The following PIK3C3 variants were observed in gnomAD, a reference collection of about 807,000 sequenced individuals.
The protein encoded by PIK3C3 is phosphatidylinositol 3-kinase catalytic subunit type 3, also known as PI3-kinase type 3.
Under a neutral mutation model 126.1 loss-of-function variants are expected in PIK3C3, and 95 were observed. That is an observed-to-expected ratio of 0.75 (90% confidence interval 0.64 to 0.89). The LOEUF (loss-of-function observed/expected upper bound fraction) is 0.89. Ranked by LOEUF, PIK3C3 falls within the 40% of genes least tolerant of loss-of-function variation. PIK3C3 has a pLI of 0.00. For missense variants in PIK3C3, 829 were observed against 1,063.2 expected (o/e 0.78, Z 3.06); for synonymous variants, 374 against 360.0 (o/e 1.04, Z -0.44).
intron 4 of PIK3C3, among the ~76,000 whole-genome samples, chr18:41,984,215 A>G (rs1234077712): frequency 1.3e-5 from 2 of 152,130 alleles, no homozygotes; most frequent in African/African-American, 4.8e-5. Flanking sequence ...CTGACATTAC[A>G]GACCCAAAAT....
rs138471980 is a variant in PIK3C3, at chr18:42,064,196, A to T, written c.2433-544A>T. 6.6e-3 allele frequency among the ~76,000 whole-genome samples: 1,002 copies of T among 152,256 alleles called. 6 individuals carry two copies. The highest frequency in any genetic ancestry group is 0.011 in the Non-Finnish European group (717 of 68,010). On this transcript the variant is annotated intron_variant, in intron 22 of 24. Transcript: ENST00000262039. ...ATTTTTAATGCAGCAGAGTACTAGCAATTTTTTCTTTCTTATAGAATTACT... is the reference window on the plus strand; with the variant it reads ...ATTTTTAATGCAGCAGAGTACTAGCTATTTTTTCTTTCTTATAGAATTACT...
chr18:42,070,540 G>A lies in PIK3C3; in HGVS notation c.2649+3027G>A, dbSNP rs938798010. 20 of 152,102 alleles carry A rather than the reference G, an allele frequency of 1.3e-4. 1 individual carries two copies. Among genetic ancestry groups the A allele is most frequent in the African/African-American group, 4.8e-4 (20 of 41,414 alleles). 9.4% of individuals were successfully genotyped at this position (152,102 alleles called of 1,614,324 possible). On this transcript the variant is annotated intron_variant, in intron 24 of 24. Coordinates refer to ENST00000262039, the MANE Select transcript of PIK3C3 (RefSeq NM_002647.4). ...GAGAAAAAGAGGTTGATAAAAAGTA[G>A]TAGTTTTTAGGGGGCCATAGTATTA... is the stretch of plus-strand genomic sequence containing the variant.
At chr18:41,984,761 A>T (rs897762781) in intron 4 of PIK3C3, 1 of 152,214 alleles carries the variant, frequency 6.6e-6, no homozygotes, top group Non-Finnish European at 1.5e-5. Context: ...GGACTCTCTG[A>T]TAAGTAAGCG....
At chr18:42,027,185 G>A (rs1983607893) in intron 13 of PIK3C3, 1 of 217,536 alleles carries the variant, frequency 4.6e-6, no homozygotes, top group Non-Finnish European at 9.2e-6. Flanking sequence ...TGCTTGTTTT[G>A]GTGGCAAAAG....
At chr18:42,058,259 A>T (rs1302914047) in intron 22 of PIK3C3, among the ~76,000 whole-genome samples, 3 of 152,338 alleles carry the variant, frequency 2.0e-5, no homozygotes, top group East Asian at 3.9e-4. Context: ...TTGCTTTCCC[A>T]CTATCTTATT....
intron 1 of PIK3C3, among the ~76,000 whole-genome samples, chr18:41,956,542 C>T (rs1175741492): frequency 1.4e-5 from 2 of 141,948 alleles, no homozygotes; most frequent in African/African-American, 2.7e-5. Flanking sequence ...CCAAAAAAAC[C>T]GGTCCCTTTT....
chr18:42,064,601 C>A, intron 22 of PIK3C3, 139 bp from the exon 23 acceptor site: 1 of 576,056 alleles, frequency 1.7e-6, no homozygotes, highest in South Asian at 2.3e-5. Flanking sequence ...TCATTGATAC[C>A]AACTGATGAA....
At chr18:42,073,843 C>A (rs564514231) in intron 24 of PIK3C3, among the ~76,000 whole-genome samples, 2 of 151,948 alleles carry the variant, frequency 1.3e-5, no homozygotes, top group Non-Finnish European at 2.9e-5. Context: ...AAGAAGGCAA[C>A]CTTCTAGGTC....
chr18:42,068,521 A>G (rs1049887347), intron 24 of PIK3C3, among the ~76,000 whole-genome samples: 1 of 152,112 alleles, frequency 6.6e-6, no homozygotes, highest in Non-Finnish European at 1.5e-5. Flanking sequence ...ATGCTCTTTG[A>G]TTGATCTTTC....
At chr18:41,998,724 T>C (rs964353993) in intron 9 of PIK3C3, among the ~76,000 whole-genome samples, 5 of 152,188 alleles carry the variant, frequency 3.3e-5, no homozygotes, top group African/African-American at 1.2e-4. Context: ...GTGAACGATA[T>C]GTTTTAATGT....
chr18:41,985,952 A>G (rs1456137800), intron 4 of PIK3C3, among the ~76,000 whole-genome samples: 2 of 152,114 alleles, frequency 1.3e-5, no homozygotes, highest in African/African-American at 4.8e-5. Context: ...TCCAAACTTA[A>G]TTTACCATTG....
At chr18:42,060,608 T>G (rs1463211864) in intron 22 of PIK3C3, among the ~76,000 whole-genome samples, 1 of 151,912 alleles carries the variant, frequency 6.6e-6, no homozygotes, top group Non-Finnish European at 1.5e-5. Context: ...CTGTCTCTAC[T>G]AAAAAAGAAA....
chr18:41,998,858 C>G (rs1298667976), intron 9 of PIK3C3, among the ~76,000 whole-genome samples: 1 of 152,126 alleles, frequency 6.6e-6, no homozygotes, highest in East Asian at 1.9e-4. Context: ...AACGGATACT[C>G]TCATACTCCA....
chr18:42,029,893 A>C (rs1983750885), intron 15 of PIK3C3, among the ~76,000 whole-genome samples: 1 of 151,984 alleles, frequency 6.6e-6, no homozygotes, highest in African/African-American at 2.4e-5. Flanking sequence ...ATGTTTTATG[A>C]GTTTATATAT....
chr18:42,079,943 T>TTGTG (rs1304336423), intron 24 of PIK3C3, among the ~76,000 whole-genome samples: 7 of 116,528 alleles, frequency 6.0e-5, no homozygotes, highest in African/African-American at 2.4e-4. Context: ...TCCCCAACTT[T>TTGTG]TGAGTGTGTG....
chr18:42,076,142 ATG>A (rs1985999646), intron 24 of PIK3C3, among the ~76,000 whole-genome samples: 2 of 75,494 alleles, frequency 2.6e-5, no homozygotes, highest in Non-Finnish European at 2.4e-5. Context: ...ATATATATAT[ATG>A]CGCATATATA....
intron 4 of PIK3C3, among the ~76,000 whole-genome samples, chr18:41,972,177 C>A (rs16975466): frequency 0.036 from 5,487 of 152,000 alleles, 317 homozygotes; most frequent in African/African-American, 0.12. Flanking sequence ...TTAATGATCA[C>A]CTTTTTTATG....
At chr18:42,005,899 C>G (rs1199005769) in intron 10 of PIK3C3, among the ~76,000 whole-genome samples, 1 of 151,082 alleles carries the variant, frequency 6.6e-6, no homozygotes, top group Non-Finnish European at 1.5e-5. Flanking sequence ...TCATCTGTAA[C>G]ACTGCTCAGT....
intron 4 of PIK3C3, among the ~76,000 whole-genome samples, chr18:41,987,441 G>A (rs561873049): frequency 5.9e-5 from 9 of 151,888 alleles, no homozygotes; most frequent in Non-Finnish European, 1.3e-4. Context: ...TAGATACATT[G>A]AAAGATGGGA....
Sources: allele counts gnomAD v4.1 joint callset (sites outside exome capture counted in the v4.1 genomes callset), GRCh38; gene constraint gnomAD v4.1.1; transcripts MANE v1.5; gene names NCBI Gene and HGNC (gene_info 2026-07-23, HGNC 2026-07-21).